CCDC85A: variants seen among roughly 807,000 people sequenced by gnomAD.
CCDC85A encodes coiled-coil domain-containing protein 85A.
In CCDC85A, 38 loss-of-function variants were observed where a neutral mutation model predicts 50.2. The ratio of observed to expected loss-of-function variants is 0.76; its 90% CI spans 0.58 to 0.99. The LOEUF is 0.99. Among genes scored for constraint, CCDC85A ranks in the 50% least tolerant of loss-of-function variants. CCDC85A has a pLI of 0.00. For missense variants in CCDC85A, 820 were observed against 742.0 expected (o/e 1.11, Z -1.22); for synonymous variants, 366 against 301.4 (o/e 1.21, Z -2.22).
intron 4 of CCDC85A, among the ~76,000 whole-genome samples, chr2:56,374,383 A>G (rs1307661193): frequency 6.6e-6 from 1 of 152,226 alleles, no homozygotes; most frequent in African/African-American, 2.4e-5. Flanking sequence ...CCAAATTGCA[A>G]AAATAATAAT....
intron 2 of CCDC85A, among the ~76,000 whole-genome samples, chr2:56,321,092 C>A (rs186568752): frequency 1.6e-3 from 238 of 152,172 alleles, no homozygotes; most frequent in Non-Finnish European, 2.7e-3. Context: ...ATTCAACAAC[C>A]CTTCATGCTA....
intron 5 of CCDC85A, among the ~76,000 whole-genome samples, chr2:56,381,874 T>C (rs1676600599): frequency 6.6e-6 from 1 of 152,086 alleles, no homozygotes; most frequent in Non-Finnish European, 1.5e-5. Flanking sequence ...TTGCCTGCAC[T>C]TTCAAAAATA....
chr2:56,339,583 C>G (rs1380943154), intron 2 of CCDC85A, among the ~76,000 whole-genome samples: 1 of 152,162 alleles, frequency 6.6e-6, no homozygotes, highest in Non-Finnish European at 1.5e-5. Context: ...TCTGTGTAGT[C>G]TTTTCAGCTG....
At chr2:56,190,354 T>A (rs894608276) in intron 1 of CCDC85A, among the ~76,000 whole-genome samples, 5 of 152,198 alleles carry the variant, frequency 3.3e-5, no homozygotes, top group Non-Finnish European at 7.3e-5. Context: ...AGGTGGGAAC[T>A]CTACTAGTCA....
chr2:56,353,263 T>G (rs1411776768), intron 3 of CCDC85A, among the ~76,000 whole-genome samples: 1 of 152,240 alleles, frequency 6.6e-6, no homozygotes, highest in Non-Finnish European at 1.5e-5. Context: ...AGTGTTGGTT[T>G]TATGTGTATT....
chr2:56,382,947 C>T (rs753185804), intron 5 of CCDC85A, among the ~76,000 whole-genome samples: 51 of 151,914 alleles, frequency 3.4e-4, no homozygotes, highest in Non-Finnish European at 5.3e-4. Context: ...CTCCTTGATT[C>T]AGTGTTTGTG....
At chr2:56,341,912 A>T (rs1026659215) in intron 2 of CCDC85A, among the ~76,000 whole-genome samples, 1 of 150,676 alleles carries the variant, frequency 6.6e-6, no homozygotes, top group Non-Finnish European at 1.5e-5. Context: ...AAGAACAAAT[A>T]TTTTTCTTAA....
chr2:56,202,383 C>G (rs1344681820), intron 2 of CCDC85A, among the ~76,000 whole-genome samples: 1 of 152,162 alleles, frequency 6.6e-6, no homozygotes, highest in Non-Finnish European at 1.5e-5. Context: ...CCTTTTTCCT[C>G]CCACACAGAC....
At chr2:56,195,427 A>G (rs879894871) in intron 2 of CCDC85A, among the ~76,000 whole-genome samples, 1 of 152,222 alleles carries the variant, frequency 6.6e-6, no homozygotes, top group South Asian at 2.1e-4. Context: ...TCTTATGTCT[A>G]CTTCAAGTTT....
intron 2 of CCDC85A, among the ~76,000 whole-genome samples, chr2:56,267,499 T>C (rs1670504202): frequency 6.6e-6 from 1 of 152,344 alleles, no homozygotes; most frequent in East Asian, 1.9e-4. Context: ...ATATTTGGTA[T>C]ATTCAACATA....
chr2:56,228,675 G>C (rs1668646823), intron 2 of CCDC85A, among the ~76,000 whole-genome samples: 2 of 152,032 alleles, frequency 1.3e-5, no homozygotes. Context: ...TGGGACTACA[G>C]GGGCCCACCC....
rs547195345 is a variant in CCDC85A, at chr2:56,381,231, A to G, written c.1573-3035A>G. On this transcript the variant is annotated intron_variant, in intron 5 of 5. Transcript: ENST00000407595. ...TGTCATCTTTCCTAAATGCACCACC[A>G]TTCACTTTCTGTAGCTTTTCAACCT... 5.9e-5 allele frequency among the ~76,000 whole-genome samples: 9 copies of G among 152,220 alleles called. No homozygotes were observed. In the South Asian group the frequency reaches 1.2e-3, roughly 21 times the overall value.
intron 1 of CCDC85A, 43 bp downstream of exon 1, chr2:56,184,943 G>T (rs749718844): frequency 1.2e-5 from 17 of 1,445,756 alleles, no homozygotes; most frequent in South Asian, 1.4e-5. Context: ...GGCTGGGAGC[G>T]GGGTGCCCCG....
chr2:56,374,295 A>C (rs1021728407), intron 4 of CCDC85A, among the ~76,000 whole-genome samples: 1 of 152,182 alleles, frequency 6.6e-6, no homozygotes, highest in African/African-American at 2.4e-5. Context: ...ATGTGGCCTC[A>C]GTAGGCTAGT....
chr2:56,247,359 T>C (rs567246581), intron 2 of CCDC85A, among the ~76,000 whole-genome samples: 1 of 152,210 alleles, frequency 6.6e-6, no homozygotes, highest in Non-Finnish European at 1.5e-5. Context: ...TCTTTTTTTT[T>C]ATTCCTGGGG....
chr2:56,184,710 C>G lies in CCDC85A; in HGVS notation c.86C>G (p.Pro29Arg), dbSNP rs1160922199. 6.5e-7 allele frequency: 1 copy of G among 1,529,496 alleles called. No individual in the cohort carries two copies. Among genetic ancestry groups the G allele is most frequent in the East Asian group, 2.6e-5 (1 of 38,828 alleles). 94.7% of individuals were successfully genotyped at this position (1,529,496 alleles called of 1,614,324 possible). ...SPAPAGSSAA[P>R]PAPVEDLSKV... Reference sequence around the variant, plus strand: ...GCCCCGGCCGGCTCGTCCGCGGCCCCGCCCGCGCCGGTGGAGGACCTGTCC... The same window carrying G: ...GCCCCGGCCGGCTCGTCCGCGGCCCGGCCCGCGCCGGTGGAGGACCTGTCC... Residue 29 changes from proline to arginine, a missense_variant, in exon 1 of 6, where the codon CCG becomes CGG. Coordinates refer to ENST00000407595, the MANE Select transcript of CCDC85A (RefSeq NM_001080433.2).
rs184059879 is a variant in CCDC85A, at chr2:56,266,388, A to G, written c.1240+72948A>G. On this transcript the variant is annotated intron_variant, in intron 2 of 5. Transcript: ENST00000407595. ...GGTTTGAATCCAGCCTGGGCAACAT[A>G]GCAAGACCCTGTTTCTAATAAAAGC... Among the ~76,000 whole-genome samples, 139 of 152,272 alleles carry G rather than the reference A, an allele frequency of 9.1e-4. 1 individual carries two copies. In the East Asian group the frequency reaches 0.023, roughly 25 times the overall value.
At chr2:56,191,014 A>T (rs1172287094) in intron 1 of CCDC85A, among the ~76,000 whole-genome samples, 2 of 151,966 alleles carry the variant, frequency 1.3e-5, no homozygotes, top group Non-Finnish European at 2.9e-5. Context: ...ATGTCCGTTG[A>T]CTTGCTCTCT....
At chr2:56,318,110 C>T (rs1020532157) in intron 2 of CCDC85A, among the ~76,000 whole-genome samples, 1 of 152,030 alleles carries the variant, frequency 6.6e-6, no homozygotes, top group African/African-American at 2.4e-5. Flanking sequence ...AATTTTAGAG[C>T]GAGAAGGAAT....
Sources: allele counts gnomAD v4.1 joint callset (sites outside exome capture counted in the v4.1 genomes callset), GRCh38; gene constraint gnomAD v4.1.1; transcripts MANE v1.5; gene names NCBI Gene and HGNC (gene_info 2026-07-23, HGNC 2026-07-21).